The following PTPN5 variants were observed in gnomAD, a reference collection of about 807,000 sequenced individuals.
PTPN5 encodes protein tyrosine phosphatase non-receptor type 5.
Under a neutral mutation model 73.9 loss-of-function variants are expected in PTPN5, and 29 were observed. The observed-to-expected ratio is 0.39, with a 90% confidence interval of 0.29 to 0.54. The LOEUF is 0.54. PTPN5 is among the 20% of genes least tolerant of loss of function. The pLI is 0.65. For synonymous variants in PTPN5, 267 were observed against 304.7 expected (o/e 0.88, Z 1.29); for missense variants, 652 against 751.4 (o/e 0.87, Z 1.55).
chr11:18,757,613 G>T (rs561036855), intron 3 of PTPN5, among the ~76,000 whole-genome samples: 7 of 152,150 alleles, frequency 4.6e-5, no homozygotes, highest in African/African-American at 1.7e-4. Flanking sequence ...ACTGGCTAAG[G>T]TGACTGTTTG....
intron 2 of PTPN5, among the ~76,000 whole-genome samples, chr11:18,769,011 C>T (rs1332589550): frequency 6.6e-6 from 1 of 152,210 alleles, no homozygotes; most frequent in Non-Finnish European, 1.5e-5. Flanking sequence ...GGGCTGCCCC[C>T]ACCACTGCTT....
chr11:18,771,532 C>A (rs1405809597), intron 2 of PTPN5, among the ~76,000 whole-genome samples: 1 of 152,206 alleles, frequency 6.6e-6, no homozygotes, highest in Non-Finnish European at 1.5e-5. Flanking sequence ...CCTCTCCCAC[C>A]AACTTCCGAC....
chr11:18,745,144 C>G (rs972739552), intron 3 of PTPN5, among the ~76,000 whole-genome samples: 2 of 152,228 alleles, frequency 1.3e-5, no homozygotes, highest in African/African-American at 4.8e-5. Context: ...TATTGGAGGT[C>G]TGCACCCAAA....
chr11:18,782,376 T>C (rs903171386), intron 1 of PTPN5, among the ~76,000 whole-genome samples: 3 of 152,014 alleles, frequency 2.0e-5, no homozygotes, highest in African/African-American at 7.3e-5. Flanking sequence ...TACAGGTGTG[T>C]ACCACCATGC....
At position 18,737,933 on chromosome 11, in the gene PTPN5, T is replaced by G. The variant is rs773541651; in HGVS notation, c.947A>C (p.Glu316Ala). The G allele has an allele frequency of 5.6e-6, 9 of 1,614,172 alleles. No homozygotes were observed. In the Admixed American group the frequency reaches 1.5e-4, roughly 27 times the overall value. ...CCGCACCAGCCCAGGGATGTCGTAC[T>G]CTTTCGGATCCACAAAGTTCATGGG... ...EIPMNFVDPK[E>A]YDIPGLVRKN... Residue 316 changes from glutamate to alanine, a missense_variant, in exon 9 of 15, where the codon GAG becomes GCG. Physicochemically the swap from Glu to Ala is moderately radical, Grantham distance 107 (BLOSUM62 -1). Transcript: ENST00000358540.
chr11:18,767,196 G>T (rs1850682071), intron 2 of PTPN5, among the ~76,000 whole-genome samples: 3 of 152,182 alleles, frequency 2.0e-5, no homozygotes, highest in Non-Finnish European at 4.4e-5. Flanking sequence ...CCTGCTTCTT[G>T]GACTGGCCCT....
intron 1 of PTPN5, among the ~76,000 whole-genome samples, chr11:18,783,359 A>G (rs1343492428): frequency 6.6e-6 from 1 of 152,204 alleles, no homozygotes; most frequent in Non-Finnish European, 1.5e-5. Flanking sequence ...ACTATAGGAA[A>G]GCACTGTTTT....
chr11:18,767,736 C>T (rs1003605884), intron 2 of PTPN5, among the ~76,000 whole-genome samples: 1 of 152,212 alleles, frequency 6.6e-6, no homozygotes, highest in African/African-American at 2.4e-5. Context: ...TATCACATAA[C>T]CTTTCTTGAA....
chr11:18,743,013 G>A lies in PTPN5; in HGVS notation c.462C>T (p.Gly154=), dbSNP rs1357713239. The A allele has an allele frequency of 6.4e-7, 1 of 1,551,604 alleles. No homozygotes were observed. The highest frequency in any genetic ancestry group is 1.2e-5 in the South Asian group (1 of 84,070). The part of the protein sequence containing the change: ...PSLLLVFLSV[G]LVLVTTLVWH... ...TTACCAGGGTGGTAACGAGGACCAGGCCCACGGACAGAAAGACCAGCAGCA... is the reference window on the plus strand; with the variant it reads ...TTACCAGGGTGGTAACGAGGACCAGACCCACGGACAGAAAGACCAGCAGCA... Residue 154 remains glycine (G), a synonymous_variant, in exon 6 of 15, where the codon GGC becomes GGT. Transcript: ENST00000358540.
At chr11:18,785,434 T>C (rs1022877022) in intron 1 of PTPN5, among the ~76,000 whole-genome samples, 6 of 152,224 alleles carry the variant, frequency 3.9e-5, no homozygotes, top group African/African-American at 1.4e-4. Context: ...ATATGTGGAC[T>C]AATTTCAACT....
intron 1 of PTPN5, among the ~76,000 whole-genome samples, chr11:18,788,392 C>T (rs761627001): frequency 1.3e-5 from 2 of 152,130 alleles, no homozygotes; most frequent in African/African-American, 4.8e-5. Flanking sequence ...CAATGTCCCC[C>T]CAATAACCTC....
At chr11:18,765,524 T>C (rs1202581865) in intron 3 of PTPN5, among the ~76,000 whole-genome samples, 2 of 152,186 alleles carry the variant, frequency 1.3e-5, no homozygotes, top group Non-Finnish European at 2.9e-5. Context: ...CTAGGAGCCC[T>C]GTACTCCTCA....
chr11:18,730,896 G>A (rs114493414), intron 12 of PTPN5, among the ~76,000 whole-genome samples: 119 of 152,198 alleles, frequency 7.8e-4, no homozygotes, highest in African/African-American at 2.8e-3. Flanking sequence ...ACTCCAAAAG[G>A]TTTGTAGGTA....
chr11:18,754,559 C>T (rs1036029959), intron 3 of PTPN5, among the ~76,000 whole-genome samples: 1 of 152,180 alleles, frequency 6.6e-6, no homozygotes, highest in African/African-American at 2.4e-5. Context: ...CCAAGTTGAA[C>T]CAATCAACCC....
rs766269592 is a variant in PTPN5 at position 18,740,600 on chromosome 11, C to T, written c.915+3G>A. The T allele has an allele frequency of 1.9e-6, 3 of 1,557,146 alleles. No individual in the cohort carries two copies. Among genetic ancestry groups the T allele is most frequent in the Non-Finnish European group, 2.6e-6 (3 of 1,150,534 alleles). ...GTGGGGCGACCGGCTCAAGGGAACTCACAAAGAATTCCGCCTGCAGCAGGA... is the reference window on the plus strand; with the variant it reads ...GTGGGGCGACCGGCTCAAGGGAACTTACAAAGAATTCCGCCTGCAGCAGGA... On this transcript the variant is annotated splice_donor_region_variant and intron_variant, in intron 8 of 14. Coordinates refer to ENST00000358540, the MANE Select transcript of PTPN5 (RefSeq NM_006906.2).
chr11:18,787,941 C>A (rs36027425), intron 1 of PTPN5, among the ~76,000 whole-genome samples: 26,903 of 152,126 alleles, frequency 0.18, 2,929 homozygotes, highest in South Asian at 0.36. Flanking sequence ...GTTTAGGGTG[C>A]TTGATGAACC....
intron 1 of PTPN5, among the ~76,000 whole-genome samples, chr11:18,779,232 T>C (rs1018191221): frequency 6.6e-6 from 1 of 152,076 alleles, no homozygotes; most frequent in Non-Finnish European, 1.5e-5. Context: ...CATGGCAACC[T>C]GGGAAGATCT....
chr11:18,729,538 T>C lies in PTPN5; in HGVS notation c.1519A>G (p.Ile507Val). ...TGCTGGCAGCAGATGCTGGTGGCAA[T>C]GAAGCAGCCGGTCCTCCCAATCCCT... Reference protein sequence around the residue: ...SAGIGRTGCFIATSICCQQLR... With the variant: ...SAGIGRTGCFVATSICCQQLR... The change falls in exon 14 of 15, where the codon ATT becomes GTT. Residue 507 changes from isoleucine to valine, a missense_variant. Coordinates refer to ENST00000358540, the MANE Select transcript of PTPN5 (RefSeq NM_006906.2). The surrounding 1 kb of genome is among the most constrained non-coding windows in gnomAD (Gnocchi z 5.2). 1 of 1,599,638 alleles carries C rather than the reference T, an allele frequency of 6.3e-7. No individual in the cohort carries two copies. The highest frequency in any genetic ancestry group is 8.5e-7 in the Non-Finnish European group (1 of 1,175,928).
intron 2 of PTPN5, among the ~76,000 whole-genome samples, chr11:18,769,850 G>A (rs1850798489): frequency 6.6e-6 from 1 of 152,242 alleles, no homozygotes; most frequent in Non-Finnish European, 1.5e-5. Flanking sequence ...TCAGTGGGAT[G>A]GAGCAGCAGA....
Sources: gnomAD v4.1 joint callset for allele counts (sites outside exome capture counted in the v4.1 genomes callset) on GRCh38, gnomAD v4.1.1 for gene constraint, Gnocchi (gnomAD v3.1) non-coding constraint, MANE v1.5 for transcripts, NCBI Gene and HGNC (gene_info 2026-07-23, HGNC 2026-07-21) for gene names.